GSDME: variants seen among roughly 807,000 people sequenced by gnomAD.
The protein encoded by GSDME is gasdermin E.
GSDME carries 44 observed loss-of-function variants against 47.5 expected under a neutral mutation model. The ratio of observed to expected loss-of-function variants is 0.93; its 90% CI spans 0.73 to 1.19. The LOEUF (loss-of-function observed/expected upper bound fraction) is 1.19, where lower values mean the gene tolerates loss of function less well. Ranked by LOEUF, GSDME falls within the 50% of genes most tolerant of loss-of-function variation. GSDME has a pLI of 0.00. For synonymous variants in GSDME, 258 were observed against 252.8 expected (o/e 1.02, Z -0.20); for missense variants, 663 against 604.2 (o/e 1.10, Z -1.02).
chr7:24,709,927 A>G (rs1305384159), intron 6 of GSDME, among the ~76,000 whole-genome samples: 1 of 152,138 alleles, frequency 6.6e-6, no homozygotes, highest in Non-Finnish European at 1.5e-5. Context: ...CTGTGCTTAC[A>G]ATGAAAGAAA....
Position 24,725,705 on chromosome 7 carries a change from A to G in GSDME, c.405-6487T>C, listed in dbSNP as rs1789942839. ...CAGTGCTTTTCTATACAGTGTCTGT[A>G]ATGTATAGATAACATAACTGATTAG... On this transcript the variant is annotated intron_variant, in intron 3 of 9. Coordinates refer to ENST00000645220, the MANE Select transcript of GSDME (RefSeq NM_001127453.2). This position sits in a 1 kb window ranked among gnomAD's most constrained non-coding sequence, Gnocchi z 5.1. 6.6e-6 allele frequency among the ~76,000 whole-genome samples: 1 copy of G among 152,222 alleles called. No individual in the cohort carries two copies. The highest frequency in any genetic ancestry group is 6.5e-5 in the Admixed American group (1 of 15,288).
rs1364732488 is a variant in GSDME, at chr7:24,728,980, CCAAGT to C, written c.405-9767_405-9763del. Among the ~76,000 whole-genome samples the C allele has an allele frequency of 3.8e-4, 58 of 152,190 alleles. No individual in the cohort carries two copies. Among genetic ancestry groups the C allele is most frequent in the African/African-American group, 1.3e-3 (54 of 41,448 alleles). ...TCACTGCACATTGTTGCCAAAGTGA[CCAAGT>C]CACCCGCAGACTGTGGCTGCTCCGC... On this transcript the variant is annotated intron_variant, in intron 3 of 9. Coordinates refer to ENST00000645220, the MANE Select transcript of GSDME (RefSeq NM_001127453.2). This position sits in a 1 kb window ranked among gnomAD's most constrained non-coding sequence, Gnocchi z 7.2.
At chr7:24,761,913 G>C (rs913811021), upstream of GSDME, among the ~76,000 whole-genome samples, 3 of 152,178 alleles carry the variant, frequency 2.0e-5, no homozygotes, top group Non-Finnish European at 4.4e-5. This position sits in a 1 kb window ranked among gnomAD's most constrained non-coding sequence, Gnocchi z 4.4. Context: ...AAACAGCAAA[G>C]AATTTCCAGA....
chr7:24,782,270 AGT>A, the GSDME span, among the ~76,000 whole-genome samples: 1 of 137,226 alleles, frequency 7.3e-6, no homozygotes, highest in Admixed American at 8.3e-5. Context: ...CCTATGTCCA[AGT>A]GTTCTCATTG....
At chr7:24,779,420 C>T in the GSDME span, among the ~76,000 whole-genome samples, 1 of 151,976 alleles carries the variant, frequency 6.6e-6, no homozygotes, top group Non-Finnish European at 1.5e-5. This position sits in a 1 kb window ranked among gnomAD's most constrained non-coding sequence, Gnocchi z 6.0. Flanking sequence ...GTATTAGAGT[C>T]TCTGGAGGCC....
rs980786292 is a variant in GSDME at position 24,725,599 on chromosome 7, G to A, written c.405-6381C>T. Among the ~76,000 whole-genome samples, 16 of 152,188 alleles carry A rather than the reference G, an allele frequency of 1.1e-4. No homozygotes were observed. The highest frequency in any genetic ancestry group is 9.8e-4 in the Admixed American group (15 of 15,290). On this transcript the variant is annotated intron_variant, in intron 3 of 9. Coordinates refer to ENST00000645220, the MANE Select transcript of GSDME (RefSeq NM_001127453.2). The surrounding 1 kb of genome is among the most constrained non-coding windows in gnomAD (Gnocchi z 5.1). ...GGGTGCGCATGAGAGGGTCGTGATC[G>A]ATTGAGCAAGCAGTGGGTACGTGAC...
At chr7:24,792,647 G>A in the GSDME span, among the ~76,000 whole-genome samples, 1 of 152,296 alleles carries the variant, frequency 6.6e-6, no homozygotes, top group African/African-American at 2.4e-5. Flanking sequence ...GCTTTAGTTT[G>A]GTAGGGTTTT....
rs1349586611 is a variant in GSDME, at chr7:24,733,872, A to G, written c.404+10690T>C. On this transcript the variant is annotated intron_variant, in intron 3 of 9. Transcript: ENST00000645220. This position sits in a 1 kb window ranked among gnomAD's most constrained non-coding sequence, Gnocchi z 4.3. ...GGAAATCACCTCATGTCTGAGGGGAAGGACACAAGCCTGGCTGGCTTTACC... is the reference window on the plus strand; with the variant it reads ...GGAAATCACCTCATGTCTGAGGGGAGGGACACAAGCCTGGCTGGCTTTACC... 6.6e-6 allele frequency among the ~76,000 whole-genome samples: 1 copy of G among 152,228 alleles called. No individual in the cohort carries two copies. Among genetic ancestry groups the G allele is most frequent in the East Asian group, 1.9e-4 (1 of 5,190 alleles).
Position 24,754,169 on chromosome 7 carries a change from C to T in GSDME, c.-20+3227G>A, listed in dbSNP as rs1351040426. On this transcript the variant is annotated intron_variant, in intron 1 of 9. Coordinates refer to ENST00000645220, the MANE Select transcript of GSDME (RefSeq NM_001127453.2). The surrounding 1 kb of genome is among the most constrained non-coding windows in gnomAD (Gnocchi z 5.0). ...CACTTCACAGTTGTTACATAGATCACGGACTCTCGCACAGAGCCTTAAAAG... is the reference window on the plus strand; with the variant it reads ...CACTTCACAGTTGTTACATAGATCATGGACTCTCGCACAGAGCCTTAAAAG... Among the ~76,000 whole-genome samples the T allele has an allele frequency of 6.6e-6, 1 of 152,166 alleles. No individual in the cohort carries two copies. Among genetic ancestry groups the T allele is most frequent in the African/African-American group, 2.4e-5 (1 of 41,430 alleles).
chr7:24,776,264 G>A, the GSDME span, among the ~76,000 whole-genome samples: 1 of 151,938 alleles, frequency 6.6e-6, no homozygotes, highest in Admixed American at 6.6e-5. Flanking sequence ...CACAGTGGAC[G>A]TGGTGGCGGT....
chr7:24,740,543 A>G (rs183370219), intron 3 of GSDME, among the ~76,000 whole-genome samples: 2,197 of 152,202 alleles, frequency 0.014, 22 homozygotes, highest in Non-Finnish European at 0.019. Context: ...CTCATTTTAC[A>G]TGATGTGATT....
rs143907715 is a variant in GSDME at position 24,719,155 on chromosome 7, G to A, written c.468C>T (p.Cys156=). Residue 156 remains cysteine (C), a synonymous_variant, in exon 4 of 10, where the codon TGC becomes TGT. Transcript: ENST00000645220. Reference sequence around the variant, plus strand: ...TCGTCGTGATCTTCTGTGTCAAAACGCACAGGACCTCATTCCTTCCTTCCA... The same window carrying A: ...TCGTCGTGATCTTCTGTGTCAAAACACACAGGACCTCATTCCTTCCTTCCA... ...QVLEGRNEVL[C]VLTQKITTMQ... 83 of 1,613,672 alleles carry A rather than the reference G, an allele frequency of 5.1e-5. No homozygotes were observed. Among genetic ancestry groups the A allele is most frequent in the Non-Finnish European group, 6.7e-5 (79 of 1,180,028 alleles).
chr7:24,747,015 T>C (rs1208291356), intron 2 of GSDME, among the ~76,000 whole-genome samples: 4 of 152,216 alleles, frequency 2.6e-5, no homozygotes, highest in Non-Finnish European at 5.9e-5. Flanking sequence ...CAGATGAGCA[T>C]GCTCGGGGAT....
rs3038357 is a variant in GSDME, at chr7:24,744,984, CGTGTGTGTGTGTGTGTGT to C, written c.212-248_212-231del. Among the ~76,000 whole-genome samples, 502 of 119,068 alleles carry C rather than the reference CGTGTGTGTGTGTGTGTGT, an allele frequency of 4.2e-3. 3 individuals carry two copies. Among genetic ancestry groups the C allele is most frequent in the African/African-American group, 0.014 (452 of 32,250 alleles). The allele number at this position is 119,068 out of a possible 152,430, so 78.1% of individuals were successfully genotyped here. A position where few individuals can be genotyped will look rare whatever the true frequency, so the allele number is the denominator to read the frequency against. On this transcript the variant is annotated intron_variant, in intron 2 of 9. Coordinates refer to ENST00000645220, the MANE Select transcript of GSDME (RefSeq NM_001127453.2). This position sits in a 1 kb window ranked among gnomAD's most constrained non-coding sequence, Gnocchi z 4.5. ...GGGCACACAGTGGACCAGTGCAGCACGTGTGTGTGTGTGTGTGTGTGTGTGTGTGTGTGTGTGTGTGTG... is the reference window on the plus strand; with the variant it reads ...GGGCACACAGTGGACCAGTGCAGCACGTGTGTGTGTGTGTGTGTGTGTGTG...
rs71521706 is a variant in GSDME at position 24,728,021 on chromosome 7, G to A, written c.405-8803C>T. ...GCACTGTTCGGGAGCTAGGGGGGCTGTAACGGGAGGAAGAGACAGGGTGCA... is the reference window on the plus strand; with the variant it reads ...GCACTGTTCGGGAGCTAGGGGGGCTATAACGGGAGGAAGAGACAGGGTGCA... On this transcript the variant is annotated intron_variant, in intron 3 of 9. Coordinates refer to ENST00000645220, the MANE Select transcript of GSDME (RefSeq NM_001127453.2). The surrounding 1 kb of genome is among the most constrained non-coding windows in gnomAD (Gnocchi z 7.2). 0.075 allele frequency among the ~76,000 whole-genome samples: 11,376 copies of A among 152,246 alleles called. 577 individuals are homozygous for A. The highest frequency in any genetic ancestry group is 0.11 in the Non-Finnish European group (7,452 of 68,006).
At position 24,705,736 on chromosome 7, in the gene GSDME, G is replaced by GCC. The variant is rs1408483254; in HGVS notation, c.1183+446_1183+447dup. ...ATTGGATGGTTGAATGCTCTCCACA[G>GCC]CCCCCTTGCCCCAGACAGGAGCACG... On this transcript the variant is annotated intron_variant, in intron 8 of 9. Coordinates refer to ENST00000645220, the MANE Select transcript of GSDME (RefSeq NM_001127453.2). The surrounding 1 kb of genome is among the most constrained non-coding windows in gnomAD (Gnocchi z 4.1). 3 of 313,756 alleles carry GCC rather than the reference G, an allele frequency of 9.6e-6. No homozygotes were observed. The highest frequency in any genetic ancestry group is 1.9e-5 in the Non-Finnish European group (3 of 161,518). 19.4% of individuals were successfully genotyped at this position (313,756 alleles called of 1,614,324 possible).
At chr7:24,711,292 A>T (rs1370115308) in intron 5 of GSDME, among the ~76,000 whole-genome samples, 1 of 152,050 alleles carries the variant, frequency 6.6e-6, no homozygotes, top group Non-Finnish European at 1.5e-5. Context: ...GCAGTGGTGT[A>T]ATCTCAGCTC....
In GSDME at chr7:24,728,154, C is replaced by CT. The variant is rs1562703312; in HGVS notation, c.405-8937dup. ...CTGGCCAATGAGACCTGAGGAAAAT[C>CT]TGTTAGGGGTTCTCAAGTTTTTCTC... On this transcript the variant is annotated intron_variant, in intron 3 of 9. Transcript: ENST00000645220. This position sits in a 1 kb window ranked among gnomAD's most constrained non-coding sequence, Gnocchi z 7.2. Among the ~76,000 whole-genome samples, 2 of 152,200 alleles carry CT rather than the reference C, an allele frequency of 1.3e-5. No individual in the cohort carries two copies. The highest frequency in any genetic ancestry group is 4.8e-5 in the African/African-American group (2 of 41,448).
At chr7:24,788,352 G>A in the GSDME span, among the ~76,000 whole-genome samples, 1 of 151,960 alleles carries the variant, frequency 6.6e-6, no homozygotes, top group African/African-American at 2.4e-5. The surrounding 1 kb of genome is among the most constrained non-coding windows in gnomAD (Gnocchi z 4.6). Context: ...TCTGGCAGAC[G>A]CCGCATGTCT....
Sources: allele counts gnomAD v4.1 joint callset (sites outside exome capture counted in the v4.1 genomes callset), GRCh38; gene constraint gnomAD v4.1.1; non-coding constraint Gnocchi (gnomAD v3.1); transcripts MANE v1.5; gene names NCBI Gene and HGNC (gene_info 2026-07-23, HGNC 2026-07-21).